Variants in TPST1 observed in about 807,000 individuals in gnomAD.
The protein encoded by TPST1 is tyrosylprotein sulfotransferase 1, also known as protein-tyrosine sulfotransferase 1.
A neutral mutation model predicts 34.8 loss-of-function variants in TPST1; 20 were observed. The ratio of observed to expected loss-of-function variants is 0.57; its 90% confidence interval spans 0.40 to 0.84. The LOEUF is 0.84. Ranked by LOEUF, TPST1 falls within the 40% of genes least tolerant of loss-of-function variation. TPST1 has a pLI of 0.00. For synonymous variants in TPST1, 152 were observed against 159.4 expected (o/e 0.95, Z 0.35); for missense variants, 353 against 455.5 (o/e 0.78, Z 2.05).
intron 2 of TPST1, among the ~76,000 whole-genome samples, chr7:66,248,501 G>GT (rs1366517456): frequency 3.2e-4 from 33 of 103,118 alleles, no homozygotes; most frequent in Middle Eastern, 4.6e-3. Context: ...AAAACATTTA[G>GT]TGTTTTTTTT....
intron 3 of TPST1, among the ~76,000 whole-genome samples, chr7:66,326,344 A>T (rs895534960): frequency 6.6e-6 from 1 of 152,172 alleles, no homozygotes; most frequent in Non-Finnish European, 1.5e-5. Flanking sequence ...GAGCTCAGAG[A>T]TGGCGCTACT....
chr7:66,347,446 A>G (rs547655808), intron 3 of TPST1, among the ~76,000 whole-genome samples: 45 of 152,100 alleles, frequency 3.0e-4, no homozygotes, highest in South Asian at 2.1e-3. Flanking sequence ...TCTTTCCCCA[A>G]TGTATGTTCT....
chr7:66,274,960 C>A (rs191199462), intron 2 of TPST1, among the ~76,000 whole-genome samples: 1 of 152,004 alleles, frequency 6.6e-6, no homozygotes, highest in Non-Finnish European at 1.5e-5. Context: ...TTTGGGAGGC[C>A]GAGGTGGGTG....
Position 66,283,554 on chromosome 7 carries a change from C to T in TPST1, c.846-2957C>T, listed in dbSNP as rs190657041. On this transcript the variant is annotated intron_variant, in intron 2 of 5. Transcript: ENST00000304842. ...TGTGGCTGTGTTCCAGTAAACTTTA[C>T]TTATGGATATTGATACTCAGATTTC... Among the ~76,000 whole-genome samples, 597 of 152,224 alleles carry T rather than the reference C, an allele frequency of 3.9e-3. 2 individuals are homozygous for T. Among genetic ancestry groups the T allele is most frequent in the Non-Finnish European group, 7.1e-3 (486 of 68,008 alleles).
intron 1 of TPST1, 147 bp from the exon 2 acceptor site, chr7:66,240,178 C>T (rs533705491): frequency 9.5e-5 from 43 of 452,190 alleles, no homozygotes; most frequent in African/African-American, 3.6e-4. Flanking sequence ...TGAGCCACCG[C>T]GCCCGGTCTC....
chr7:66,296,245 C>CT (rs67670930), intron 3 of TPST1, among the ~76,000 whole-genome samples: 42,240 of 105,402 alleles, frequency 0.4, 9,462 homozygotes, highest in African/African-American at 0.43. Context: ...AACACCCACC[C>CT]TTCCCCCCCC....
At chr7:66,298,455 GT>G (rs1338755916) in intron 3 of TPST1, among the ~76,000 whole-genome samples, 1 of 152,072 alleles carries the variant, frequency 6.6e-6, no homozygotes, top group Admixed American at 6.5e-5. Flanking sequence ...CCACAACAGT[GT>G]TTTTATGTAT....
chr7:66,253,507 G>A (rs1477866141), intron 2 of TPST1, among the ~76,000 whole-genome samples: 1 of 151,732 alleles, frequency 6.6e-6, no homozygotes, highest in South Asian at 2.1e-4. Context: ...GAGTAGCTGG[G>A]ACTACAGGCG....
intron 2 of TPST1, among the ~76,000 whole-genome samples, chr7:66,246,206 T>G (rs924869580): frequency 9.5e-6 from 1 of 105,462 alleles, no homozygotes; most frequent in Admixed American, 1.0e-4. Flanking sequence ...TTTTTTTTTT[T>G]TTGGTGGAGA....
At position 66,359,924 on chromosome 7, in the gene TPST1, A is replaced by T; in HGVS notation, c.*59A>T. 2.2e-6 allele frequency: 1 copy of T among 456,676 alleles called. No individual in the cohort carries two copies. Among genetic ancestry groups the T allele is most frequent in the Non-Finnish European group, 4.4e-6 (1 of 226,964 alleles). The allele number at this position is 456,676 out of a possible 1,614,324, so 28.3% of individuals were successfully genotyped here. A position where few individuals can be genotyped will look rare whatever the true frequency, so the allele number is the denominator to read the frequency against. On this transcript the variant is annotated 3_prime_UTR_variant, in exon 6 of 6. Transcript: ENST00000304842. ...GATTGCTGCCTTTTCAGCAGAAGGG[A>T]AATTCCTAGGATTGGCTGTCCCCTG... is the stretch of plus-strand genomic sequence containing the variant.
chr7:66,330,443 A>G (rs142327017), intron 3 of TPST1, among the ~76,000 whole-genome samples: 4 of 152,266 alleles, frequency 2.6e-5, no homozygotes, highest in African/African-American at 7.2e-5. Flanking sequence ...CTTTCCCTCA[A>G]TTTCTCTGTC....
At chr7:66,351,927 T>C (rs921779228) in intron 3 of TPST1, among the ~76,000 whole-genome samples, 23 of 152,198 alleles carry the variant, frequency 1.5e-4, no homozygotes, top group African/African-American at 5.5e-4. Context: ...AGATTCCTAA[T>C]TATTGCATGT....
At position 66,347,059 on chromosome 7, in the gene TPST1, C is replaced by CTTTTTTTTTTTTTTTTTTTTTTTTTTTTT. The variant is rs71051352; in HGVS notation, c.1045-5420_1045-5419insTTTTTTTTTTTTTTTTTTTTTTTTTTTTT. ...TTTCTTCTTTTTTTCCTTTGCTTTT[C>CTTTTTTTTTTTTTTTTTTTTTTTTTTTTT]TTTTTTTTTTTTTTTTTTTTTTTTT... On this transcript the variant is annotated intron_variant, in intron 3 of 5. Coordinates refer to ENST00000304842, the MANE Select transcript of TPST1 (RefSeq NM_003596.4). Among the ~76,000 whole-genome samples the CTTTTTTTTTTTTTTTTTTTTTTTTTTTTT allele has an allele frequency of 1.5e-4, 9 of 59,960 alleles. 2 individuals are homozygous for CTTTTTTTTTTTTTTTTTTTTTTTTTTTTT. The highest frequency in any genetic ancestry group is 9.1e-4 in the South Asian group (1 of 1,104). The allele number at this position is 59,960 out of a possible 152,430, so 39.3% of individuals were successfully genotyped here. A position where few individuals can be genotyped will look rare whatever the true frequency, so the allele number is the denominator to read the frequency against.
intron 3 of TPST1, among the ~76,000 whole-genome samples, chr7:66,349,029 A>T (rs892275756): frequency 6.6e-6 from 1 of 151,932 alleles, no homozygotes; most frequent in Non-Finnish European, 1.5e-5. Flanking sequence ...ATTTCCTGTT[A>T]TGCCTTATGC....
At chr7:66,256,122 T>A (rs564009671) in intron 2 of TPST1, among the ~76,000 whole-genome samples, 19 of 152,352 alleles carry the variant, frequency 1.2e-4, no homozygotes, top group African/African-American at 1.9e-4. Context: ...TTATTTATTT[T>A]TTCCCAGAAC....
intron 2 of TPST1, among the ~76,000 whole-genome samples, chr7:66,275,239 A>G (rs116014420): frequency 0.014 from 2,076 of 152,276 alleles, 59 homozygotes; most frequent in African/African-American, 0.047. Flanking sequence ...AGTGTTGGCA[A>G]AGATGTGGAG....
At chr7:66,297,450 C>T (rs191415856) in intron 3 of TPST1, among the ~76,000 whole-genome samples, 1 of 152,320 alleles carries the variant, frequency 6.6e-6, no homozygotes, top group East Asian at 1.9e-4. Context: ...CTTGCGGTAC[C>T]TATGAGCCAG....
At chr7:66,358,092 A>AT (rs1321845059) in intron 5 of TPST1, among the ~76,000 whole-genome samples, 2 of 152,006 alleles carry the variant, frequency 1.3e-5, no homozygotes, top group African/African-American at 4.8e-5. Context: ...CTCAAAAAAA[A>AT]AAAATTGGCT....
At chr7:66,348,960 ACC>A (rs1245825298) in intron 3 of TPST1, among the ~76,000 whole-genome samples, 2 of 151,748 alleles carry the variant, frequency 1.3e-5, no homozygotes, top group Non-Finnish European at 2.9e-5. Context: ...TATAAGCCTT[ACC>A]TATCTGGAAC....
Sources: gnomAD v4.1 joint callset for allele counts (sites outside exome capture counted in the v4.1 genomes callset) on GRCh38, gnomAD v4.1.1 for gene constraint, MANE v1.5 for transcripts, NCBI Gene and HGNC (gene_info 2026-07-23, HGNC 2026-07-21) for gene names.